Variants in SORCS1 observed in about 807,000 individuals in gnomAD.
SORCS1 encodes sortilin related VPS10 domain containing receptor 1, also known as VPS10 domain-containing receptor SorCS1.
Under a neutral mutation model 146.1 loss-of-function variants are expected in SORCS1, and 60 were observed. The observed-to-expected ratio is 0.41, with a 90% CI of 0.33 to 0.51. The LOEUF (loss-of-function observed/expected upper bound fraction) is 0.51. Ranked by LOEUF, SORCS1 falls within the 20% of genes least tolerant of loss-of-function variation. SORCS1 has a pLI of 0.21. For missense variants in SORCS1, 1,352 were observed against 1,487.6 expected, an observed-to-expected ratio of 0.91 and a Z score of 1.50; for synonymous variants, 637 against 584.0, an observed-to-expected ratio of 1.09 and a Z score of -1.31.
At chr10:106,819,763 T>G (rs112749192) in intron 3 of SORCS1, among the ~76,000 whole-genome samples, 10 of 152,226 alleles carry the variant, frequency 6.6e-5, no homozygotes, top group African/African-American at 2.2e-4. Context: ...TTGAAACCAC[T>G]CAGGAAGAAC....
intron 9 of SORCS1, among the ~76,000 whole-genome samples, chr10:106,698,479 A>G (rs938075373): frequency 2.6e-5 from 4 of 152,222 alleles, no homozygotes; most frequent in African/African-American, 9.6e-5. Context: ...AAGAGTAACG[A>G]ATGGCTAAAA....
intron 1 of SORCS1, among the ~76,000 whole-genome samples, chr10:107,102,974 C>G (rs993457801): frequency 6.6e-6 from 1 of 152,096 alleles, no homozygotes; most frequent in African/African-American, 2.4e-5. Flanking sequence ...AGTGAAATAG[C>G]ACCAAAATAA....
At chr10:107,023,261 C>T (rs542103991) in intron 1 of SORCS1, among the ~76,000 whole-genome samples, 1 of 152,268 alleles carries the variant, frequency 6.6e-6, no homozygotes, top group East Asian at 1.9e-4. Flanking sequence ...TTTTTCACTG[C>T]CACACAAGGA....
intron 2 of SORCS1, among the ~76,000 whole-genome samples, chr10:106,907,830 G>T (rs967802714): frequency 1.3e-5 from 2 of 151,876 alleles, no homozygotes; most frequent in Non-Finnish European, 2.9e-5. Context: ...GGGAGGCTGA[G>T]GCAGGAGAAT....
chr10:106,584,875 A>G (rs956851268), intron 24 of SORCS1, among the ~76,000 whole-genome samples: 1 of 152,188 alleles, frequency 6.6e-6, no homozygotes, highest in Non-Finnish European at 1.5e-5. Flanking sequence ...AAGACCAACC[A>G]TCATCATAAT....
At chr10:107,145,436 T>G (rs575905733) in intron 1 of SORCS1, among the ~76,000 whole-genome samples, 7 of 152,240 alleles carry the variant, frequency 4.6e-5, no homozygotes, top group Non-Finnish European at 1.0e-4. Flanking sequence ...TTATCCTGGT[T>G]TTCTTTCTTG....
intron 1 of SORCS1, among the ~76,000 whole-genome samples, chr10:106,975,917 G>A (rs1955974230): frequency 6.6e-6 from 1 of 152,114 alleles, no homozygotes; most frequent in Admixed American, 6.5e-5. Context: ...GGAGGCCGAG[G>A]TGGGTGGATC....
At chr10:107,019,827 A>C (rs1383829897) in intron 1 of SORCS1, among the ~76,000 whole-genome samples, 1 of 152,202 alleles carries the variant, frequency 6.6e-6, no homozygotes, top group Admixed American at 6.5e-5. Flanking sequence ...TGAAACTTAC[A>C]ATCTACTTAG....
intron 2 of SORCS1, among the ~76,000 whole-genome samples, chr10:106,941,364 A>G (rs1954033613): frequency 6.6e-6 from 1 of 152,098 alleles, no homozygotes; most frequent in Non-Finnish European, 1.5e-5. Context: ...TTAGATAAAT[A>G]TACTTTTTCT....
chr10:106,872,463 T>A (rs1346665699), intron 2 of SORCS1, among the ~76,000 whole-genome samples: 1 of 152,212 alleles, frequency 6.6e-6, no homozygotes, highest in African/African-American at 2.4e-5. Flanking sequence ...GCAGACCATG[T>A]GAAGTCAGTG....
intron 3 of SORCS1, among the ~76,000 whole-genome samples, chr10:106,791,193 G>A (rs1360567681): frequency 2.0e-5 from 3 of 152,102 alleles, no homozygotes; most frequent in East Asian, 1.9e-4. Context: ...GCCGCACTTC[G>A]AAGATTTTCT....
At chr10:106,757,958 G>T (rs1432644104) in intron 5 of SORCS1, among the ~76,000 whole-genome samples, 1 of 152,190 alleles carries the variant, frequency 6.6e-6, no homozygotes, top group Non-Finnish European at 1.5e-5. Context: ...TCAGAAGGTT[G>T]TTATGAGGAT....
At chr10:106,608,494 C>G (rs1232940327) in intron 22 of SORCS1, among the ~76,000 whole-genome samples, 1 of 152,108 alleles carries the variant, frequency 6.6e-6, no homozygotes, top group Non-Finnish European at 1.5e-5. Flanking sequence ...TAGGTCCTCA[C>G]CTAATGTTAT....
chr10:106,693,384 T>C (rs748956293), intron 9 of SORCS1, among the ~76,000 whole-genome samples: 1 of 152,148 alleles, frequency 6.6e-6, no homozygotes, highest in Non-Finnish European at 1.5e-5. Context: ...AACTACAGAG[T>C]CTACACCCTT....
Position 106,913,076 on chromosome 10 carries a change from GA to G in SORCS1, c.626+43436del, listed in dbSNP as rs34402617. Among the ~76,000 whole-genome samples, 711 of 144,942 alleles carry G rather than the reference GA, an allele frequency of 4.9e-3. 23 individuals carry two copies. The highest frequency in any genetic ancestry group is 0.043 in the Admixed American group (633 of 14,688). On this transcript the variant is annotated intron_variant, in intron 2 of 25. Transcript: ENST00000263054. ...AATGGCAATGCCACTGGACTGCAAAGAAAAAAAAAAAACGCAAGGCTTACAT... is the reference window on the plus strand; with the variant it reads ...AATGGCAATGCCACTGGACTGCAAAGAAAAAAAAAAACGCAAGGCTTACAT...
At chr10:106,852,622 T>G (rs1373213922) in intron 2 of SORCS1, among the ~76,000 whole-genome samples, 1 of 120,154 alleles carries the variant, frequency 8.3e-6, no homozygotes, top group African/African-American at 3.2e-5. Flanking sequence ...AGCGAGACCC[T>G]GTCTCAAAAA....
chr10:106,837,544 G>A (rs1288430270), intron 2 of SORCS1, among the ~76,000 whole-genome samples: 1 of 150,610 alleles, frequency 6.6e-6, no homozygotes, highest in Non-Finnish European at 1.5e-5. Flanking sequence ...ACACCAAACA[G>A]GAAAAAGCCC....
At chr10:106,916,119 T>TC (rs60015766) in intron 2 of SORCS1, among the ~76,000 whole-genome samples, 1,567 of 152,334 alleles carry the variant, frequency 0.01, 27 homozygotes, top group African/African-American at 0.034. Flanking sequence ...GCATAGGCTT[T>TC]CATAAAGATA....
chr10:106,824,365 G>A (rs1948194821), intron 3 of SORCS1, among the ~76,000 whole-genome samples: 2 of 151,526 alleles, frequency 1.3e-5, no homozygotes, highest in African/African-American at 4.9e-5. Context: ...GCCGAGGCGG[G>A]TGGATCATGA....
Sources: gnomAD v4.1 joint callset for allele counts (sites outside exome capture counted in the v4.1 genomes callset) on GRCh38, gnomAD v4.1.1 for gene constraint, MANE v1.5 for transcripts, NCBI Gene and HGNC (gene_info 2026-07-23, HGNC 2026-07-21) for gene names.